Variants in CSMD1 observed in about 807,000 individuals in gnomAD.
CSMD1 encodes the protein CUB and Sushi multiple domains 1.
CSMD1 carries 213 observed loss-of-function variants against 417.5 expected under a neutral mutation model. The ratio of observed to expected loss-of-function variants is 0.51; its 90% confidence interval spans 0.46 to 0.57. CSMD1 has a LOEUF of 0.57. Ranked by LOEUF, CSMD1 falls within the 20% of genes least tolerant of loss-of-function variation. CSMD1 has a pLI of 0.00. For synonymous variants in CSMD1, 2,862 were observed against 1,736.8 expected (o/e 1.65, Z -16.11); for missense variants, 6,923 against 4,529.7 (o/e 1.53, Z -15.17).
intron 59 of CSMD1, 74 bp from the exon 60 acceptor site, chr8:2,963,469 T>G: frequency 1.4e-6 from 2 of 1,472,046 alleles, no homozygotes. Context: ...CGATTCCCAT[T>G]TTAATTTTAC....
chr8:3,778,844 A>T (rs1487598150), intron 5 of CSMD1, among the ~76,000 whole-genome samples: 1 of 152,206 alleles, frequency 6.6e-6, no homozygotes, highest in African/African-American at 2.4e-5. Flanking sequence ...TTCCTCATTG[A>T]ATACTCAGTT....
At chr8:3,913,619 AG>A (rs1808605229) in intron 5 of CSMD1, among the ~76,000 whole-genome samples, 2 of 152,200 alleles carry the variant, frequency 1.3e-5, no homozygotes, top group Admixed American at 6.5e-5. Context: ...GAATGTACTT[AG>A]GGAAGTGGTG....
chr8:4,124,087 G>C lies in CSMD1; in HGVS notation c.416-91988C>G, dbSNP rs532015780. Among the ~76,000 whole-genome samples the C allele has an allele frequency of 1.7e-3, 255 of 151,120 alleles. 2 individuals carry two copies. Among genetic ancestry groups the C allele is most frequent in the Middle Eastern group, 3.4e-3 (1 of 292 alleles). The stretch of plus-strand genomic sequence containing the variant: ...CACAGACTTCTACGCACAGAACAAC[G>C]AAGAAAAAAAAGAGAAAGAAAAACT... On this transcript the variant is annotated intron_variant, in intron 3 of 69. Transcript: ENST00000635120.
intron 5 of CSMD1, among the ~76,000 whole-genome samples, chr8:3,925,152 C>G (rs1809561318): frequency 6.6e-6 from 1 of 152,140 alleles, no homozygotes; most frequent in South Asian, 2.1e-4. Flanking sequence ...AATCCACTTC[C>G]CAAATCCTGA....
chr8:4,737,513 A>G (rs1810320686), intron 1 of CSMD1, among the ~76,000 whole-genome samples: 1 of 152,198 alleles, frequency 6.6e-6, no homozygotes, highest in African/African-American at 2.4e-5. Flanking sequence ...AAAAAACATA[A>G]AACATCATTA....
At chr8:3,073,392 A>G (rs1170086492) in intron 49 of CSMD1, among the ~76,000 whole-genome samples, 3 of 152,196 alleles carry the variant, frequency 2.0e-5, no homozygotes, top group African/African-American at 7.2e-5. Context: ...AATAAATGAC[A>G]CTCAGAAAAC....
At chr8:4,156,232 C>A (rs951581681) in intron 3 of CSMD1, among the ~76,000 whole-genome samples, 1 of 152,120 alleles carries the variant, frequency 6.6e-6, no homozygotes, top group African/African-American at 2.4e-5. Context: ...GGGGTGGTAG[C>A]AAAATCTTTC....
chr8:3,099,612 C>T (rs1815586816), intron 46 of CSMD1, among the ~76,000 whole-genome samples: 1 of 152,152 alleles, frequency 6.6e-6, no homozygotes, highest in Non-Finnish European at 1.5e-5. Flanking sequence ...TATCAGTTGA[C>T]ATTGGAACTT....
chr8:4,253,730 A>G (rs780024863), intron 3 of CSMD1, among the ~76,000 whole-genome samples: 21 of 151,106 alleles, frequency 1.4e-4, no homozygotes, highest in East Asian at 4.0e-4. Flanking sequence ...ACACACATCA[A>G]TTTTCTGGTT....
intron 49 of CSMD1, among the ~76,000 whole-genome samples, chr8:3,081,138 T>C (rs888427558): frequency 6.6e-6 from 1 of 152,176 alleles, no homozygotes; most frequent in Non-Finnish European, 1.5e-5. Flanking sequence ...TTTATAAGAT[T>C]GGTAGCTGGA....
chr8:4,600,576 C>T (rs1479053465), intron 2 of CSMD1, among the ~76,000 whole-genome samples: 1 of 152,120 alleles, frequency 6.6e-6, no homozygotes, highest in Non-Finnish European at 1.5e-5. Flanking sequence ...TGCTCTCCAT[C>T]CTAAAGAAAA....
chr8:4,898,733 C>G (rs1422180322), intron 1 of CSMD1, among the ~76,000 whole-genome samples: 1 of 152,122 alleles, frequency 6.6e-6, no homozygotes, highest in East Asian at 1.9e-4. Flanking sequence ...GAAAACCTCT[C>G]TGACTTTCAT....
chr8:3,571,146 C>A (rs1449092332), intron 10 of CSMD1, among the ~76,000 whole-genome samples: 1 of 152,108 alleles, frequency 6.6e-6, no homozygotes, highest in African/African-American at 2.4e-5. Flanking sequence ...CAAAATTTAC[C>A]TCCAACTGAC....
At chr8:3,516,945 T>C (rs935303009) in intron 10 of CSMD1, among the ~76,000 whole-genome samples, 2 of 151,636 alleles carry the variant, frequency 1.3e-5, no homozygotes, top group Admixed American at 6.6e-5. Context: ...AATCAACGAG[T>C]GGATAAAGAG....
chr8:3,843,630 G>A (rs1803280393), intron 5 of CSMD1, among the ~76,000 whole-genome samples: 1 of 152,148 alleles, frequency 6.6e-6, no homozygotes, highest in Admixed American at 6.5e-5. Context: ...TTTGTTATAG[G>A]ATACCATGGA....
intron 1 of CSMD1, among the ~76,000 whole-genome samples, chr8:4,882,796 C>A (rs989761960): frequency 2.1e-4 from 31 of 151,000 alleles, no homozygotes; most frequent in Admixed American, 6.6e-4. Flanking sequence ...ACACTTCCTC[C>A]TTTTTCAGTA....
At chr8:4,742,238 G>C (rs902072296) in intron 1 of CSMD1, among the ~76,000 whole-genome samples, 1 of 151,032 alleles carries the variant, frequency 6.6e-6, no homozygotes, top group East Asian at 2.0e-4. Context: ...CACCTTGTTA[G>C]CCAGGATGGT....
intron 5 of CSMD1, among the ~76,000 whole-genome samples, chr8:3,859,171 C>T (rs573698996): frequency 5.9e-5 from 9 of 152,310 alleles, no homozygotes; most frequent in African/African-American, 2.2e-4. Context: ...GCCAGACACA[C>T]AACAGGCTCT....
In CSMD1 at chr8:4,156,845, G is replaced by C. The variant is rs558879502; in HGVS notation, c.416-124746C>G. The stretch of plus-strand genomic sequence containing the variant: ...AGTACTATGAACACAATCACAGGGA[G>C]GCTTTTTAATTTATCTGAGCTTAAG... On this transcript the variant is annotated intron_variant, in intron 3 of 69. Transcript: ENST00000635120. Among the ~76,000 whole-genome samples, 45 of 151,612 alleles carry C rather than the reference G, an allele frequency of 3.0e-4. 1 individual carries two copies. The highest frequency in any genetic ancestry group is 3.4e-3 in the Middle Eastern group (1 of 294).
Sources: gnomAD v4.1 joint callset for allele counts (sites outside exome capture counted in the v4.1 genomes callset) on GRCh38, gnomAD v4.1.1 for gene constraint, MANE v1.5 for transcripts, NCBI Gene and HGNC (gene_info 2026-07-23, HGNC 2026-07-21) for gene names.